Variants in MMEL1 observed in about 807,000 individuals in gnomAD.
The protein encoded by MMEL1 is membrane metalloendopeptidase like 1, also known as membrane metallo-endopeptidase-like 1.
A neutral mutation model predicts 117.1 loss-of-function variants in MMEL1; 98 were observed. The observed-to-expected ratio is 0.84, with a 90% CI of 0.71 to 0.99. The LOEUF is 0.99. MMEL1 is among the 50% of genes least tolerant of loss of function. The pLI is 0.00. For synonymous variants in MMEL1, 390 were observed against 415.1 expected (o/e 0.94, Z 0.74); for missense variants, 1,014 against 1,049.1 (o/e 0.97, Z 0.46).
At position 2,591,460 on chromosome 1, in the gene MMEL1, G is replaced by A. The variant is rs1644704453; in HGVS notation, c.2240+97C>T. On this transcript the variant is annotated intron_variant, in intron 23 of 23. Coordinates refer to ENST00000378412, the MANE Select transcript of MMEL1 (RefSeq NM_033467.4). ...TTATTCCCAAAATAAACCTGTCTCT[G>A]TTGAGCCACTTTTTGTGCTTTCTTC... is the stretch of plus-strand genomic sequence containing the variant. 4 of 1,024,992 alleles carry A rather than the reference G, an allele frequency of 3.9e-6. No individual in the cohort carries two copies. The Admixed American group carries it at 7.0e-5, about 18-fold the overall frequency. The allele number at this position is 1,024,992 out of a possible 1,614,324, so 63.5% of individuals were successfully genotyped here.
At chr1:2,593,776 A>C (rs552200138) in intron 19 of MMEL1, 38 bp downstream of exon 19, 1 of 1,531,816 alleles carries the variant, frequency 6.5e-7, no homozygotes, top group East Asian at 2.4e-5. Context: ...CTCCGCGGAG[A>C]GGGGAGGGCG....
At position 2,629,383 on chromosome 1, in the gene MMEL1, CAG is replaced by C; in HGVS notation, c.100_101del (p.Leu34AlafsTer26). On this transcript the variant is annotated frameshift_variant, in exon 2 of 24. Coordinates refer to ENST00000378412, the MANE Select transcript of MMEL1 (RefSeq NM_033467.4). LOFTEE classifies it high-confidence loss of function. ...AGGCCACCAGGGCAGCGGTCACCAG[CAG>C]CAGCAGCAGCAGCAGCCCCCCCTCC... ...FLEGGLLLLL[L>X]LVTAALVALG... 1 of 1,538,170 alleles carries C rather than the reference CAG, an allele frequency of 6.5e-7. No individual in the cohort carries two copies. Among genetic ancestry groups the C allele is most frequent in the East Asian group, 2.5e-5 (1 of 40,550 alleles).
chr1:2,611,327 G>A lies in MMEL1; in HGVS notation c.246C>T (p.Ala82=), dbSNP rs773782922. ...TGGTGCAGACCTCGCTCACCTCTTG[G>A]GCCTCTGGGATCCCTGCGGGCAAGG... The part of the protein sequence containing the change: ...VKRKPRGIPE[A]QEVSEVCTTP... The change falls in exon 4 of 24, where the codon GCC becomes GCT. Residue 82 remains alanine, a synonymous_variant. Coordinates refer to ENST00000378412, the MANE Select transcript of MMEL1 (RefSeq NM_033467.4). 6.4e-7 allele frequency: 1 copy of A among 1,552,284 alleles called. No homozygotes were observed. Among genetic ancestry groups the A allele is most frequent in the East Asian group, 2.4e-5 (1 of 41,332 alleles).
chr1:2,603,739 A>G, intron 11 of MMEL1, 145 bp downstream of exon 11: 1 of 678,412 alleles, frequency 1.5e-6, no homozygotes, highest in Non-Finnish European at 2.5e-6. Context: ...AGTTTGGGTG[A>G]TCAGGTACAG....
At chr1:2,628,313 A>G (rs1638366163) in intron 2 of MMEL1, among the ~76,000 whole-genome samples, 1 of 152,236 alleles carries the variant, frequency 6.6e-6, no homozygotes, top group South Asian at 2.1e-4. Context: ...CTGCACATCC[A>G]CAGGCAGCAC....
rs189141133 is a variant in MMEL1, at chr1:2,617,674, C to T, written c.155-5470G>A. 1.8e-3 allele frequency among the ~76,000 whole-genome samples: 279 copies of T among 152,272 alleles called. 1 individual carries two copies. The highest frequency in any genetic ancestry group is 2.9e-3 in the Non-Finnish European group (197 of 68,026). ...CTGTTGGGGAGGCAAGATCACACAC[C>T]CAAGGTCACTTTCCTTGGGGGAGTG... On this transcript the variant is annotated intron_variant, in intron 2 of 23. Transcript: ENST00000378412.
intron 3 of MMEL1, 45 bp from the exon 4 acceptor site, chr1:2,611,385 T>G: frequency 1.9e-6 from 2 of 1,068,432 alleles, no homozygotes; most frequent in Admixed American, 4.3e-5. Context: ...ACGGAGAGGG[T>G]GGGGCAGGAC....
chr1:2,614,054 A>T (rs920846380), intron 2 of MMEL1, among the ~76,000 whole-genome samples: 2 of 152,214 alleles, frequency 1.3e-5, no homozygotes, highest in African/African-American at 4.8e-5. Context: ...AATGACAAAT[A>T]GTGAATGCAT....
intron 3 of MMEL1, 105 bp from the exon 4 acceptor site, chr1:2,611,445 G>T: frequency 1.6e-6 from 1 of 634,840 alleles, no homozygotes; most frequent in East Asian, 3.4e-5. Context: ...CATGGGGATG[G>T]GCATAGACTG....
intron 2 of MMEL1, among the ~76,000 whole-genome samples, chr1:2,617,661 C>T (rs1300945707): frequency 6.6e-6 from 1 of 152,134 alleles, no homozygotes; most frequent in Non-Finnish European, 1.5e-5. Flanking sequence ...GTTGGGGAGG[C>T]AAGATCACAC....
Position 2,609,411 on chromosome 1 carries a change from C to T in MMEL1, c.463G>A (p.Glu155Lys). The T allele has an allele frequency of 6.2e-7, 1 of 1,610,514 alleles. No individual in the cohort carries two copies. The highest frequency in any genetic ancestry group is 8.5e-7 in the Non-Finnish European group (1 of 1,178,776). ...GGCCGGTCCTTGGCAGTCGAATTCT[C>T]CAGCACCGCTGTGGGCACAGGAAAA... Reference protein sequence around the residue: ...ELEVILKAVLENSTAKDRPAV... With the variant: ...ELEVILKAVLKNSTAKDRPAV... The change falls in exon 6 of 24, where the codon GAG becomes AAG. Residue 155 changes from glutamate to lysine, a missense_variant. Physicochemically the swap from Glu to Lys is moderately conservative, Grantham distance 56 (BLOSUM62 1). Transcript: ENST00000378412.
intron 13 of MMEL1, 107 bp downstream of exon 13, chr1:2,598,100 G>T: frequency 9.3e-7 from 1 of 1,074,234 alleles, no homozygotes; most frequent in South Asian, 1.4e-5. Context: ...CCTCGTCCAT[G>T]GCTGTGACCC....
intron 2 of MMEL1, among the ~76,000 whole-genome samples, chr1:2,613,498 C>G (rs572677497): frequency 3.3e-5 from 5 of 152,152 alleles, no homozygotes; most frequent in Non-Finnish European, 7.4e-5. Flanking sequence ...TTGAAATTGA[C>G]TGTGGCCCCC....
intron 11 of MMEL1, among the ~76,000 whole-genome samples, chr1:2,599,939 C>CA (rs1644905858): frequency 2.6e-5 from 4 of 151,444 alleles, no homozygotes; most frequent in Non-Finnish European, 5.9e-5. Context: ...GCAGAAGCAA[C>CA]AAAAACAACT....
chr1:2,594,454 C>T lies in MMEL1; in HGVS notation c.1689-11G>A. 1 of 1,546,698 alleles carries T rather than the reference C, an allele frequency of 6.5e-7. No individual in the cohort carries two copies. The highest frequency in any genetic ancestry group is 8.7e-7 in the Non-Finnish European group (1 of 1,145,638). On this transcript the variant is annotated splice_polypyrimidine_tract_variant and intron_variant, in intron 17 of 23. Transcript: ENST00000378412. Reference sequence around the variant, plus strand: ...GCCCCGATGATCCAGCTGTGATAGACAAGCCGGTCTCTGGGAGCCGCCTCT... The same window carrying T: ...GCCCCGATGATCCAGCTGTGATAGATAAGCCGGTCTCTGGGAGCCGCCTCT...
chr1:2,610,773 C>T (rs1370407565), intron 4 of MMEL1, among the ~76,000 whole-genome samples: 1 of 152,228 alleles, frequency 6.6e-6, no homozygotes, highest in Non-Finnish European at 1.5e-5. Flanking sequence ...TTGGTCTTGG[C>T]CACTCCACCT....
In MMEL1 at chr1:2,617,599, C is replaced by G. The variant is rs915769225; in HGVS notation, c.155-5395G>C. Reference sequence around the variant, plus strand: ...TGGGCGACAGAGCGAGATTCTATCTCAAAAAAAAGAAGCTTGTGAGGTTCC... The same window carrying G: ...TGGGCGACAGAGCGAGATTCTATCTGAAAAAAAAGAAGCTTGTGAGGTTCC... On this transcript the variant is annotated intron_variant, in intron 2 of 23. Coordinates refer to ENST00000378412, the MANE Select transcript of MMEL1 (RefSeq NM_033467.4). Among the ~76,000 whole-genome samples the G allele has an allele frequency of 3.3e-5, 5 of 151,790 alleles. No individual in the cohort carries two copies. In the South Asian group the frequency reaches 8.3e-4, roughly 25 times the overall value.
In MMEL1 at chr1:2,595,459, G is replaced by A. The variant is rs904273634; in HGVS notation, c.1501-100C>T. On this transcript the variant is annotated intron_variant, in intron 15 of 23. Transcript: ENST00000378412. The surrounding 1 kb of genome is among the most constrained non-coding windows in gnomAD (Gnocchi z 4.8). ...GCCACACTGTGGGAGGGGTCAGCCC[G>A]GGGCATCCTGGCTGTGCTCTCCCTG... The A allele has an allele frequency of 1.2e-5, 12 of 983,726 alleles. No homozygotes were observed. The highest frequency in any genetic ancestry group is 8.0e-5 in the African/African-American group (5 of 62,814). The allele number at this position is 983,726 out of a possible 1,614,324, so 60.9% of individuals were successfully genotyped here. A position where few individuals can be genotyped will look rare whatever the true frequency, so the allele number is the denominator to read the frequency against.
In MMEL1 at chr1:2,612,775, G is replaced by A. The variant is rs1645150099; in HGVS notation, c.155-571C>T. On this transcript the variant is annotated intron_variant, in intron 2 of 23. Transcript: ENST00000378412. The surrounding 1 kb of genome is among the most constrained non-coding windows in gnomAD (Gnocchi z 5.4). ...GGGGCCTGCCTGGTCAGCATCGGGG[G>A]CTCCTGGGATGGCTGTCAACTGCCT... Among the ~76,000 whole-genome samples the A allele has an allele frequency of 6.6e-6, 1 of 152,178 alleles. No individual in the cohort carries two copies. The highest frequency in any genetic ancestry group is 2.4e-5 in the African/African-American group (1 of 41,436).
Sources: gnomAD v4.1 joint callset for allele counts (sites outside exome capture counted in the v4.1 genomes callset) on GRCh38, gnomAD v4.1.1 for gene constraint, Gnocchi (gnomAD v3.1) non-coding constraint, MANE v1.5 for transcripts, NCBI Gene and HGNC (gene_info 2026-07-23, HGNC 2026-07-21) for gene names.